Variants in KIF1A observed in about 807,000 individuals in gnomAD.
The protein encoded by KIF1A is kinesin-like protein KIF1A.
A neutral mutation model predicts 227.3 loss-of-function variants in KIF1A; 46 were observed. The observed-to-expected ratio is 0.20, with a 90% CI of 0.16 to 0.26. The LOEUF is 0.26. Among genes scored for constraint, KIF1A ranks in the 10% least tolerant of loss-of-function variants. KIF1A has a pLI of 1.00. For synonymous variants in KIF1A, 1,022 were observed against 1,012.8 expected, an observed-to-expected ratio of 1.01 and a Z score of -0.17; for missense variants, 1,683 against 2,485.9, an observed-to-expected ratio of 0.68 and a Z score of 6.87.
At chr2:240,763,645 C>T (rs537670497) in intron 20 of KIF1A, among the ~76,000 whole-genome samples, 2 of 152,214 alleles carry the variant, frequency 1.3e-5, no homozygotes, top group Non-Finnish European at 2.9e-5. Flanking sequence ...TACTTGCCTC[C>T]TGCCCCCAAG....
chr2:240,722,760 GC>G, intron 42 of KIF1A, 104 bp from the exon 43 acceptor site: 2 of 890,358 alleles, frequency 2.2e-6, no homozygotes. Flanking sequence ...ACCCCGGAGA[GC>G]CCACCCTCCC....
chr2:240,746,169 G>C lies in KIF1A; in HGVS notation c.3072C>G (p.Ser1024=), dbSNP rs73102625. 4.8e-4 allele frequency: 751 copies of C among 1,562,734 alleles called. 3 individuals are homozygous for C. In the Middle Eastern group the frequency reaches 6.5e-3, roughly 13 times the overall value. ...ACATCCCCACCACGGGGCAAGACTC[G>C]GACTGGAACTGATCAGAGGGGGACC... ...FDDQHFEKFQ[S]ESCPVVGMSR... is the part of the protein sequence containing the mutation. The change falls in exon 30 of 49, where the codon TCC becomes TCG. Residue 1024 remains serine (S), a synonymous_variant. Coordinates refer to ENST00000498729, the MANE Select transcript of KIF1A (RefSeq NM_001244008.2).
chr2:240,814,822 T>C (rs1465593340), intron 1 of KIF1A, among the ~76,000 whole-genome samples: 1 of 152,094 alleles, frequency 6.6e-6, no homozygotes, highest in Non-Finnish European at 1.5e-5. Flanking sequence ...GAGGCTGAGA[T>C]AGGAGGATCA....
chr2:240,726,814 T>G lies in KIF1A; in HGVS notation c.4122+12A>C. ...GTGGTTTTGGTGGAGTGCCCTGGCA[T>G]AGGTGCCTTGCCTCGATATAAGCGG... On this transcript the variant is annotated intron_variant, in intron 39 of 48. Coordinates refer to ENST00000498729, the MANE Select transcript of KIF1A (RefSeq NM_001244008.2). This position sits in a 1 kb window ranked among gnomAD's most constrained non-coding sequence, Gnocchi z 5.2. 1.3e-6 allele frequency: 2 copies of G among 1,558,452 alleles called. No homozygotes were observed. Among genetic ancestry groups the G allele is most frequent in the South Asian group, 2.3e-5 (2 of 87,932 alleles).
chr2:240,782,058 G>T, intron 10 of KIF1A: 1 of 985,330 alleles, frequency 1.0e-6, no homozygotes, highest in East Asian at 1.1e-4. Flanking sequence ...CGTTCCTGCC[G>T]GTCCCTCGAA....
At chr2:240,787,639 C>A (rs2055116015) in intron 4 of KIF1A, among the ~76,000 whole-genome samples, 1 of 152,208 alleles carries the variant, frequency 6.6e-6, no homozygotes, top group Non-Finnish European at 1.5e-5. Context: ...GAGACCTGCC[C>A]AGGGGAATGG....
In KIF1A at chr2:240,767,026, G is replaced by A. The variant is rs779796603; in HGVS notation, c.1578-5C>T. 13 of 1,597,046 alleles carry A rather than the reference G, an allele frequency of 8.1e-6. No individual in the cohort carries two copies. The highest frequency in any genetic ancestry group is 1.7e-5 in the Admixed American group (1 of 59,032). On this transcript the variant is annotated splice_polypyrimidine_tract_variant and splice_region_variant and intron_variant, in intron 18 of 48. Transcript: ENST00000498729. ...TCGCCATCCTCCCTGCCCACTCTGC[G>A]GGGTGGGGGCACCATCAGCACGGCA...
At chr2:240,816,603 G>A (rs949518398) in intron 1 of KIF1A, among the ~76,000 whole-genome samples, 1 of 152,192 alleles carries the variant, frequency 6.6e-6, no homozygotes, top group Admixed American at 6.5e-5. Flanking sequence ...CCCAGGCTCT[G>A]TGGCAGCCAG....
At chr2:240,748,313 G>A (rs1465428388) in intron 28 of KIF1A, among the ~76,000 whole-genome samples, 1 of 152,192 alleles carries the variant, frequency 6.6e-6, no homozygotes, top group Non-Finnish European at 1.5e-5. Flanking sequence ...GTAGAGCTTT[G>A]CACTGAGCTT....
chr2:240,735,556 G>A (rs994069214), intron 38 of KIF1A, among the ~76,000 whole-genome samples: 7 of 152,154 alleles, frequency 4.6e-5, no homozygotes, highest in African/African-American at 1.2e-4. Flanking sequence ...AGGAAAATAA[G>A]GTAATGAGGT....
At chr2:240,727,139 G>A (rs1241858622) in intron 38 of KIF1A, among the ~76,000 whole-genome samples, 199 bp from the exon 39 acceptor site, 1 of 152,206 alleles carries the variant, frequency 6.6e-6, no homozygotes, top group Non-Finnish European at 1.5e-5. Context: ...AGGGTCTCTT[G>A]GACGCCCCGA....
intron 46 of KIF1A, 25 bp downstream of exon 46, chr2:240,719,749 T>G (rs370290675): frequency 1.3e-6 from 2 of 1,526,612 alleles, no homozygotes; most frequent in East Asian, 4.8e-5. Flanking sequence ...CTGGTGGCGG[T>G]GCTTTCCAGG....
intron 27 of KIF1A, among the ~76,000 whole-genome samples, chr2:240,751,072 G>C (rs2049149278): frequency 6.6e-6 from 1 of 152,118 alleles, no homozygotes; most frequent in Non-Finnish European, 1.5e-5. Flanking sequence ...CCCAGCCCAG[G>C]GCCCAGGGAG....
At chr2:240,817,302 G>A (rs1469812358) in intron 1 of KIF1A, among the ~76,000 whole-genome samples, 1 of 152,216 alleles carries the variant, frequency 6.6e-6, no homozygotes, top group Non-Finnish European at 1.5e-5. Context: ...TGGGCATGGA[G>A]TGGGTGATGG....
intron 30 of KIF1A, 32 bp downstream of exon 30, chr2:240,746,007 T>C: frequency 6.2e-7 from 1 of 1,605,842 alleles, no homozygotes. Context: ...CAGCATCCCC[T>C]ACGCCCTGGG....
chr2:240,745,755 G>A lies in KIF1A; in HGVS notation c.3357C>T (p.Asp1119=). The A allele has an allele frequency of 6.2e-7, 1 of 1,612,532 alleles. No individual in the cohort carries two copies. The highest frequency in any genetic ancestry group is 8.5e-7 in the Non-Finnish European group (1 of 1,179,546). ...QASSISAEYA[D]IFCQFNFIHR... ...GGCCTCACTTGAACTGGCAGAAGAT[G>A]TCGGCATATTCGGCAGAGATGCTGG... Residue 1119 remains aspartate, a synonymous_variant, in exon 31 of 49, where the codon GAC becomes GAT. Transcript: ENST00000498729.
chr2:240,737,010 T>G, intron 38 of KIF1A, 53 bp downstream of exon 38: 1 of 1,454,572 alleles, frequency 6.9e-7, no homozygotes, highest in Non-Finnish European at 9.6e-7. Context: ...GCTGAGGGCC[T>G]GGCAGGCTGG....
chr2:240,719,789 T>C lies in KIF1A; in HGVS notation c.5006A>G (p.Gln1669Arg), dbSNP rs200317988. ...EPQRLLVPDI[Q>R]EIRVSPIVSK... ...CCCCACACACCTGACTCGGATCTCC[T>C]GGATGTCAGGGACCAGCAGGCGCTG... is the stretch of plus-strand genomic sequence containing the variant. Residue 1669 changes from glutamine (Q) to arginine (R), a missense_variant, in exon 46 of 49, where the codon CAG becomes CGG. Physicochemically the swap from Gln to Arg is conservative, Grantham distance 43. Around this residue, in one of 12 missense-constraint regions of KIF1A, gnomAD observed 384 missense variants for 410.1 expected, o/e 0.94. Coordinates refer to ENST00000498729, the MANE Select transcript of KIF1A (RefSeq NM_001244008.2). The C allele has an allele frequency of 4.4e-6, 7 of 1,594,084 alleles. No homozygotes were observed. The African/African-American group carries it at 9.4e-5, about 21-fold the overall frequency.
rs766781875 is a variant in KIF1A at position 240,783,127 on chromosome 2, A to G, written c.799-18T>C. 16 of 1,609,998 alleles carry G rather than the reference A, an allele frequency of 9.9e-6. No homozygotes were observed. The highest frequency in any genetic ancestry group is 1.4e-5 in the Non-Finnish European group (16 of 1,176,422). ...GCCCCCTCCTGCGGGCAGAAAAGAC[A>G]GTGGGGTTGGGATGCTGGGGACCCG... On this transcript the variant is annotated intron_variant, in intron 8 of 48. Coordinates refer to ENST00000498729, the MANE Select transcript of KIF1A (RefSeq NM_001244008.2).
Sources: gnomAD v4.1 joint callset for allele counts (sites outside exome capture counted in the v4.1 genomes callset) on GRCh38, gnomAD v4.1.1 for gene constraint, gnomAD v4.1.1 regional missense constraint, Gnocchi (gnomAD v3.1) non-coding constraint, MANE v1.5 for transcripts, NCBI Gene and HGNC (gene_info 2026-07-23, HGNC 2026-07-21) for gene names.